ADAM10: variants seen among roughly 807,000 people sequenced by gnomAD.
ADAM10 encodes ADAM metallopeptidase domain 10.
ADAM10 carries 17 observed loss-of-function variants against 90.1 expected under a neutral mutation model. The observed-to-expected ratio is 0.19, with a 90% CI of 0.13 to 0.28. The LOEUF (loss-of-function observed/expected upper bound fraction) is 0.28, where lower values mean the gene tolerates loss of function less well. Ranked by LOEUF, ADAM10 falls within the 10% of genes least tolerant of loss-of-function variation. The pLI is 1.00. For synonymous variants in ADAM10, 310 were observed against 298.6 expected, an observed-to-expected ratio of 1.04 and a Z score of -0.40; for missense variants, 610 against 914.3, an observed-to-expected ratio of 0.67 and a Z score of 4.29.
Position 58,646,136 on chromosome 15 carries a change from T to C in ADAM10, c.654A>G (p.Glu218=). 1 of 1,613,738 alleles carries C rather than the reference T, an allele frequency of 6.2e-7. No individual in the cohort carries two copies. Among genetic ancestry groups the C allele is most frequent in the South Asian group, 1.1e-5 (1 of 91,080 alleles). The change falls in exon 6 of 16, where the codon GAA becomes GAG. Residue 218 remains glutamate, a synonymous_variant. Transcript: ENST00000260408. ...GAATATAAAGCTGACAAGTATTTTT[T>C]TCAGCTGAAGTTGTACGTTTTTTCC... The part of the protein sequence containing the change: ...LLRKKRTTSA[E]KNTCQLYIQT...
At position 58,738,458 on chromosome 15, in the gene ADAM10, A is replaced by AT. The variant is rs750056253; in HGVS notation, c.55+11021dup. Among the ~76,000 whole-genome samples, 301 of 152,300 alleles carry AT rather than the reference A, an allele frequency of 2.0e-3. 1 individual carries two copies. Among genetic ancestry groups the AT allele is most frequent in the African/African-American group, 6.8e-3 (281 of 41,560 alleles). On this transcript the variant is annotated intron_variant, in intron 1 of 15. Transcript: ENST00000260408. ...TGAATTCAAACTTAAGCCAGTACCT[A>AT]TTTTTTCACTAGAAATCAGTCAAAT...
At position 58,687,842 on chromosome 15, in the gene ADAM10, G is replaced by C. The variant is rs556011328; in HGVS notation, c.207-5528C>G. 1.6e-3 allele frequency among the ~76,000 whole-genome samples: 244 copies of C among 152,300 alleles called. 1 individual carries two copies. The highest frequency in any genetic ancestry group is 6.8e-3 in the Middle Eastern group (2 of 294). On this transcript the variant is annotated intron_variant, in intron 2 of 15. Transcript: ENST00000260408. ...ATAATACGATTCATGCGACAATCAT[G>C]AAATAATCTAATTATGGAGATGGAG...
At chr15:58,722,937 G>C (rs1045574074) in intron 1 of ADAM10, among the ~76,000 whole-genome samples, 4 of 151,830 alleles carry the variant, frequency 2.6e-5, no homozygotes, top group Admixed American at 2.0e-4. Context: ...TCACTGTGTT[G>C]ACCAGGCTGG....
intron 8 of ADAM10, among the ~76,000 whole-genome samples, chr15:58,638,532 G>A (rs1478126828): frequency 4.7e-5 from 7 of 150,434 alleles, no homozygotes; most frequent in South Asian, 2.1e-4. Context: ...GGAGAATGGC[G>A]TGAACCCGGG....
intron 2 of ADAM10, among the ~76,000 whole-genome samples, chr15:58,685,797 T>C (rs2140761459): frequency 6.6e-6 from 1 of 151,980 alleles, no homozygotes; most frequent in East Asian, 1.9e-4. Context: ...TACGAGCATA[T>C]TTCTTATTCA....
rs1031350102 is a variant in ADAM10 at position 58,725,501 on chromosome 15, A to G, written c.56-7774T>C. Reference sequence around the variant, plus strand: ...TCCAAGGTTGCAGTGAGCTATGATCACAACAGCCTCAGCAACAAAGTGAGA... The same window carrying G: ...TCCAAGGTTGCAGTGAGCTATGATCGCAACAGCCTCAGCAACAAAGTGAGA... On this transcript the variant is annotated intron_variant, in intron 1 of 15. Transcript: ENST00000260408. Among the ~76,000 whole-genome samples the G allele has an allele frequency of 2.0e-5, 3 of 151,718 alleles. No homozygotes were observed. In the East Asian group the frequency reaches 5.8e-4, roughly 29 times the overall value.
At chr15:58,609,431 T>A (rs1895371648) in intron 14 of ADAM10, 1 of 152,162 alleles carries the variant, frequency 6.6e-6, no homozygotes, top group African/African-American at 2.4e-5. Flanking sequence ...CTCTAGAATG[T>A]TATTAGAAGA....
At chr15:58,639,400 A>G (rs1166946231) in intron 8 of ADAM10, among the ~76,000 whole-genome samples, 1 of 152,214 alleles carries the variant, frequency 6.6e-6, no homozygotes, top group African/African-American at 2.4e-5. Context: ...ATAAAATCAT[A>G]TGAGACCCTG....
chr15:58,665,529 C>T (rs1402626315), intron 4 of ADAM10, among the ~76,000 whole-genome samples: 1 of 151,998 alleles, frequency 6.6e-6, no homozygotes, highest in Non-Finnish European at 1.5e-5. Context: ...GTTTCTGGAC[C>T]ATCATCTGGC....
At chr15:58,611,344 A>AG (rs1373258444) in intron 12 of ADAM10, 2 of 498,492 alleles carry the variant, frequency 4.0e-6, no homozygotes, top group African/African-American at 3.9e-5. Flanking sequence ...ACTTAAAAAA[A>AG]TGAAATAAAA....
chr15:58,647,248 AT>A (rs67378373), intron 5 of ADAM10, among the ~76,000 whole-genome samples: 667 of 59,538 alleles, frequency 0.011, 74 homozygotes, highest in African/African-American at 0.031. Flanking sequence ...GACACTAAGT[AT>A]TTTTTTTTTT....
At chr15:58,600,460 T>C (rs999327953) in intron 14 of ADAM10, among the ~76,000 whole-genome samples, 2 of 152,184 alleles carry the variant, frequency 1.3e-5, no homozygotes, top group Admixed American at 6.5e-5. Context: ...GTTATGAAAT[T>C]ACTTTTTATA....
chr15:58,723,400 A>G (rs1167992914), intron 1 of ADAM10, among the ~76,000 whole-genome samples: 1 of 152,134 alleles, frequency 6.6e-6, no homozygotes, highest in Non-Finnish European at 1.5e-5. Context: ...AAAAGAAATC[A>G]CAAGCCGGGT....
rs183029381 is a variant in ADAM10 at position 58,729,970 on chromosome 15, A to G, written c.56-12243T>C. Among the ~76,000 whole-genome samples, 1,248 of 138,708 alleles carry G rather than the reference A, an allele frequency of 9.0e-3. 34 individuals are homozygous for G. The highest frequency in any genetic ancestry group is 0.032 in the African/African-American group (1,186 of 37,138). The allele number at this position is 138,708 out of a possible 152,430, so 91.0% of individuals were successfully genotyped here. On this transcript the variant is annotated intron_variant, in intron 1 of 15. Coordinates refer to ENST00000260408, the MANE Select transcript of ADAM10 (RefSeq NM_001110.4). The stretch of plus-strand genomic sequence containing the variant: ...GAACGAGGCTCTGTAAAAAAAAACA[A>G]AAACAAAAACAAAAACAAAACAAAC...
In ADAM10 at chr15:58,624,866, G is replaced by A. The variant is rs144041797; in HGVS notation, c.1360+2834C>T. Among the ~76,000 whole-genome samples the A allele has an allele frequency of 9.6e-3, 1,467 of 152,148 alleles. 22 individuals are homozygous for A. The highest frequency in any genetic ancestry group is 0.033 in the African/African-American group (1,387 of 41,504). On this transcript the variant is annotated intron_variant, in intron 10 of 15. Transcript: ENST00000260408. ...CTGTTTAAATGCAAAAATTATAATA[G>A]GTACACATTTTGTTATAATTTAAGA...
chr15:58,723,996 C>T (rs1468236139), intron 1 of ADAM10, among the ~76,000 whole-genome samples: 1 of 151,750 alleles, frequency 6.6e-6, no homozygotes, highest in Non-Finnish European at 1.5e-5. Context: ...TATGGGAGGC[C>T]GAGGCAGGTG....
At chr15:58,684,153 G>C (rs1446234963) in intron 2 of ADAM10, among the ~76,000 whole-genome samples, 1 of 152,162 alleles carries the variant, frequency 6.6e-6, no homozygotes, top group Non-Finnish European at 1.5e-5. Context: ...AAGGAAGAAA[G>C]TGTACATGTT....
intron 14 of ADAM10, 62 bp downstream of exon 14, chr15:58,610,235 G>A (rs1167743566): frequency 2.1e-6 from 3 of 1,411,246 alleles, no homozygotes; most frequent in Admixed American, 3.4e-5. Context: ...GATGACTTCT[G>A]GCCAAGTAAA....
intron 2 of ADAM10, among the ~76,000 whole-genome samples, chr15:58,683,943 A>G: frequency 6.6e-6 from 1 of 151,808 alleles, no homozygotes; most frequent in Non-Finnish European, 1.5e-5. Context: ...AGGACCCCCA[A>G]GGATACCAAA....
Sources: gnomAD v4.1 joint callset for allele counts (sites outside exome capture counted in the v4.1 genomes callset) on GRCh38, gnomAD v4.1.1 for gene constraint, MANE v1.5 for transcripts, NCBI Gene and HGNC (gene_info 2026-07-23, HGNC 2026-07-21) for gene names.